AAK1: variants seen among roughly 807,000 people sequenced by gnomAD.
The protein encoded by AAK1 is AP2-associated protein kinase 1.
AAK1 carries 37 observed loss-of-function variants against 116.0 expected under a neutral mutation model. The observed-to-expected ratio is 0.32, with a 90% CI of 0.25 to 0.42. The LOEUF (loss-of-function observed/expected upper bound fraction) is 0.42. Among genes scored for constraint, AAK1 ranks in the 10% least tolerant of loss-of-function variants. The probability of loss-of-function intolerance (pLI) is 1.00; values close to 1 mark genes in which losing one functional copy is unlikely to be tolerated. For synonymous variants in AAK1, 458 were observed against 439.9 expected (o/e 1.04, Z -0.51); for missense variants, 919 against 1,170.6 (o/e 0.79, Z 3.14).
intron 16 of AAK1, among the ~76,000 whole-genome samples, chr2:69,500,476 C>G (rs942564927): frequency 6.6e-6 from 1 of 151,806 alleles, no homozygotes; most frequent in South Asian, 2.1e-4. Flanking sequence ...GTACAAATCT[C>G]TATTCTGTCA....
At chr2:69,604,958 C>T (rs1673735708) in intron 2 of AAK1, among the ~76,000 whole-genome samples, 1 of 152,208 alleles carries the variant, frequency 6.6e-6, no homozygotes, top group South Asian at 2.1e-4. Flanking sequence ...TCTCAACACA[C>T]AGTACTTCAA....
chr2:69,495,477 C>T (rs769978007), intron 17 of AAK1, among the ~76,000 whole-genome samples: 21 of 152,146 alleles, frequency 1.4e-4, no homozygotes, highest in African/African-American at 2.7e-4. Flanking sequence ...GGTCTCCTGA[C>T]GCACATTCCC....
At chr2:69,529,266 T>G (rs1357448380) in intron 8 of AAK1, among the ~76,000 whole-genome samples, 2 of 152,220 alleles carry the variant, frequency 1.3e-5, no homozygotes, top group Admixed American at 6.5e-5. Context: ...AGGACCCAAA[T>G]GGGTTACTCA....
At chr2:69,544,633 A>C in intron 3 of AAK1, 89 bp from the exon 4 acceptor site, 2 of 910,890 alleles carry the variant, frequency 2.2e-6, no homozygotes, top group Non-Finnish European at 3.5e-6. Flanking sequence ...CAGATAATTT[A>C]AATACAGAGA....
At chr2:69,556,001 T>C (rs142495061) in intron 3 of AAK1, among the ~76,000 whole-genome samples, 2,137 of 152,328 alleles carry the variant, frequency 0.014, 23 homozygotes, top group Non-Finnish European at 0.023. Flanking sequence ...CACTCATTGT[T>C]CTAAGGACAT....
At chr2:69,555,113 G>A (rs772254781) in intron 3 of AAK1, among the ~76,000 whole-genome samples, 18 of 152,198 alleles carry the variant, frequency 1.2e-4, no homozygotes, top group Non-Finnish European at 1.8e-4. Context: ...GAAACAAAGC[G>A]TGTGAGAGCT....
intron 12 of AAK1, among the ~76,000 whole-genome samples, chr2:69,518,160 A>G (rs553489116): frequency 6.6e-6 from 1 of 152,298 alleles, no homozygotes; most frequent in African/African-American, 2.4e-5. Flanking sequence ...AAATGAATAC[A>G]TTCATAGTAA....
intron 2 of AAK1, among the ~76,000 whole-genome samples, chr2:69,599,761 C>T (rs2105191561): frequency 6.6e-6 from 1 of 151,982 alleles, no homozygotes; most frequent in African/African-American, 2.4e-5. Context: ...AAAATACAGT[C>T]TGCAATGTGT....
At chr2:69,623,287 CT>C (rs1674747702) in intron 2 of AAK1, among the ~76,000 whole-genome samples, 1 of 152,214 alleles carries the variant, frequency 6.6e-6, no homozygotes, top group African/African-American at 2.4e-5. Flanking sequence ...CGGCTTCATT[CT>C]TGAAGTCAGT....
chr2:69,557,301 CTTT>C (rs869066825), intron 2 of AAK1, among the ~76,000 whole-genome samples: 19 of 136,660 alleles, frequency 1.4e-4, no homozygotes, highest in Admixed American at 4.4e-4. Context: ...ATCCTATGTA[CTTT>C]TTTTTTTTTT....
chr2:69,575,970 A>G (rs1194129139), intron 2 of AAK1, among the ~76,000 whole-genome samples: 1 of 152,124 alleles, frequency 6.6e-6, no homozygotes, highest in Non-Finnish European at 1.5e-5. Context: ...TTCCTAGAAA[A>G]TGTTTTCACC....
intron 16 of AAK1, among the ~76,000 whole-genome samples, chr2:69,498,451 C>T (rs967861406): frequency 6.6e-6 from 1 of 152,094 alleles, no homozygotes; most frequent in Admixed American, 6.6e-5. Flanking sequence ...GGAGAGTTTC[C>T]ACCCCACCCA....
rs1156942556 is a variant in AAK1, at chr2:69,473,803, A to T, written c.*2066T>A. The T allele has an allele frequency of 1.0e-5, 10 of 985,152 alleles. No homozygotes were observed. The highest frequency in any genetic ancestry group is 7.0e-5 in the African/African-American group (4 of 57,226). 61.0% of individuals were successfully genotyped at this position (985,152 alleles called of 1,614,324 possible). Reference sequence around the variant, plus strand: ...TTATTTAAAAATAAACATTTCCTTCATTAATTTATACATTCTTTCTATGTC... The same window carrying T: ...TTATTTAAAAATAAACATTTCCTTCTTTAATTTATACATTCTTTCTATGTC... On this transcript the variant is annotated 3_prime_UTR_variant, in exon 22 of 22. Coordinates refer to ENST00000409085, the MANE Select transcript of AAK1 (RefSeq NM_014911.5).
At chr2:69,549,853 A>C (rs1671100991) in intron 3 of AAK1, among the ~76,000 whole-genome samples, 1 of 152,232 alleles carries the variant, frequency 6.6e-6, no homozygotes, top group South Asian at 2.1e-4. Flanking sequence ...GCTCCAATTT[A>C]TAAGAACCAT....
chr2:69,577,790 C>G (rs533325740), intron 2 of AAK1, among the ~76,000 whole-genome samples: 1 of 152,322 alleles, frequency 6.6e-6, no homozygotes, highest in East Asian at 1.9e-4. Context: ...CCACAGGAGG[C>G]AGGAGGGACT....
Position 69,556,786 on chromosome 2 carries a change from G to A in AAK1, c.282+74C>T, listed in dbSNP as rs549978409. 1.2e-5 allele frequency: 14 copies of A among 1,190,702 alleles called. No homozygotes were observed. The East Asian group carries it at 2.2e-4, about 19-fold the overall frequency. The allele number at this position is 1,190,702 out of a possible 1,614,324, so 73.8% of individuals were successfully genotyped here. ...CATCTCAGGGAAGGGAACAAACCCC[G>A]CTTGGCTTTCTTATGAGAGGGTACA... On this transcript the variant is annotated intron_variant, in intron 3 of 21. Coordinates refer to ENST00000409085, the MANE Select transcript of AAK1 (RefSeq NM_014911.5).
Position 69,473,379 on chromosome 2 carries a change from G to A in AAK1, c.*2490C>T. On this transcript the variant is annotated 3_prime_UTR_variant, in exon 22 of 22. Coordinates refer to ENST00000409085, the MANE Select transcript of AAK1 (RefSeq NM_014911.5). ...AACTCAAATAAACTCTTTCAGCTCA[G>A]GGATGATGCTCTAAACCAAGGAAGG... 1 of 985,472 alleles carries A rather than the reference G, an allele frequency of 1.0e-6. No homozygotes were observed. Among genetic ancestry groups the A allele is most frequent in the Non-Finnish European group, 1.2e-6 (1 of 829,970 alleles). 61.0% of individuals were successfully genotyped at this position (985,472 alleles called of 1,614,324 possible).
At chr2:69,526,741 G>A (rs187262802) in intron 9 of AAK1, among the ~76,000 whole-genome samples, 42 of 152,354 alleles carry the variant, frequency 2.8e-4, no homozygotes, top group African/African-American at 9.6e-4. Flanking sequence ...CAGAGAAAGA[G>A]GAGTGTGAGT....
At chr2:69,550,452 G>A (rs1671129889) in intron 3 of AAK1, among the ~76,000 whole-genome samples, 2 of 151,492 alleles carry the variant, frequency 1.3e-5, no homozygotes, top group African/African-American at 2.4e-5. Context: ...TTACAGGCGT[G>A]CACCACCATG....
Sources: gnomAD v4.1 joint callset for allele counts (sites outside exome capture counted in the v4.1 genomes callset) on GRCh38, gnomAD v4.1.1 for gene constraint, MANE v1.5 for transcripts, NCBI Gene and HGNC (gene_info 2026-07-23, HGNC 2026-07-21) for gene names.